The following GSG1L2 variants were observed in gnomAD, a reference collection of about 807,000 sequenced individuals.
The protein encoded by GSG1L2 is germ cell-specific gene 1-like protein 2.
Under a neutral mutation model 9.0 loss-of-function variants are expected in GSG1L2, and 15 were observed. That is an observed-to-expected ratio of 1.67 (90% CI 1.12 to 2.57). The LOEUF is 2.57. GSG1L2 is among the 30% of genes most tolerant of loss of function. The pLI, the probability that GSG1L2 is intolerant of heterozygous loss-of-function variation, is 0.00. For missense variants in GSG1L2, 286 were observed against 150.3 expected (o/e 1.90, Z -4.72); for synonymous variants, 127 against 57.9 (o/e 2.19, Z -5.41).
intron 1 of GSG1L2, among the ~76,000 whole-genome samples, chr17:9,814,451 G>A (rs1241704473): frequency 7.2e-5 from 11 of 152,230 alleles, no homozygotes. Flanking sequence ...AAAGAGAACT[G>A]CCTTTCCCAC....
chr17:9,816,687 CTGTG>C (rs954564117), intron 1 of GSG1L2, among the ~76,000 whole-genome samples: 3 of 124,510 alleles, frequency 2.4e-5, no homozygotes, highest in African/African-American at 3.1e-5. Context: ...GTGTGTGTGT[CTGTG>C]TATGTGTGCA....
chr17:9,809,482 G>T, intron 2 of GSG1L2: 1 of 155,522 alleles, frequency 6.4e-6, no homozygotes, highest in Non-Finnish European at 1.4e-5. Context: ...CTGAGAGGGT[G>T]GCTGTGGCGG....
intron 4 of GSG1L2, chr17:9,803,867 C>G (rs1208519241): frequency 6.6e-6 from 1 of 152,170 alleles, no homozygotes; most frequent in Non-Finnish European, 1.5e-5. Flanking sequence ...GGCTGCAAAC[C>G]CTGTGAGTCC....
intron 1 of GSG1L2, among the ~76,000 whole-genome samples, chr17:9,816,124 C>T (rs538155036): frequency 2.0e-5 from 3 of 152,282 alleles, no homozygotes; most frequent in Middle Eastern, 3.4e-3. Context: ...TCCCAGCCTC[C>T]GTAATGGTAA....
At chr17:9,815,482 AT>A (rs2066555977) in intron 1 of GSG1L2, among the ~76,000 whole-genome samples, 2 of 152,232 alleles carry the variant, frequency 1.3e-5, no homozygotes, top group Admixed American at 1.3e-4. Context: ...TATTAAAAAA[AT>A]CTCTTCTATG....
intron 1 of GSG1L2, among the ~76,000 whole-genome samples, chr17:9,816,890 G>GTA (rs1207457351): frequency 1.4e-5 from 2 of 140,118 alleles, no homozygotes; most frequent in Admixed American, 1.5e-4. Context: ...ATCTGTGTGT[G>GTA]TGTATCTGTG....
intron 4 of GSG1L2, among the ~76,000 whole-genome samples, chr17:9,803,506 A>G (rs1245863885): frequency 6.6e-6 from 1 of 152,232 alleles, no homozygotes; most frequent in Non-Finnish European, 1.5e-5. Context: ...TGTGTTGGGA[A>G]CATGGTAATT....
intron 1 of GSG1L2, among the ~76,000 whole-genome samples, chr17:9,816,856 C>T (rs986001763): frequency 2.8e-5 from 1 of 36,022 alleles, no homozygotes; most frequent in Non-Finnish European, 4.8e-5. Flanking sequence ...TTCTGTGTAT[C>T]TGTATGTGTG....
At chr17:9,816,381 CGTGT>C (rs760933495) in intron 1 of GSG1L2, among the ~76,000 whole-genome samples, 9 of 149,074 alleles carry the variant, frequency 6.0e-5, no homozygotes, top group South Asian at 2.2e-4. Flanking sequence ...TGTGTGTGTG[CGTGT>C]GTGTCTGTGT....
chr17:9,820,659 TC>T lies in GSG1L2; in HGVS notation c.310+1102del, dbSNP rs1340852312. On this transcript the variant is annotated intron_variant, in intron 1 of 4. Transcript: ENST00000399363. This position sits in a 1 kb window ranked among gnomAD's most constrained non-coding sequence, Gnocchi z 4.9. ...AGGGACATACAGCACCTCTGAGTGT[TC>T]CTTTTTTTTTTTTTTTAATTTGAGA... Among the ~76,000 whole-genome samples the T allele has an allele frequency of 1.2e-4, 11 of 94,090 alleles. No homozygotes were observed. The highest frequency in any genetic ancestry group is 4.2e-4 in the Admixed American group (4 of 9,550). The allele number at this position is 94,090 out of a possible 152,430, so 61.7% of individuals were successfully genotyped here. A position where few individuals can be genotyped will look rare whatever the true frequency, so the allele number is the denominator to read the frequency against.
intron 4 of GSG1L2, among the ~76,000 whole-genome samples, chr17:9,803,131 TC>T (rs59161320): frequency 0.5 from 68,176 of 136,416 alleles, 17,119 homozygotes; most frequent in Middle Eastern, 0.59. Flanking sequence ...TGAGACAGAG[TC>T]CCTCTCTGTC....
intron 1 of GSG1L2, among the ~76,000 whole-genome samples, chr17:9,819,006 C>G (rs886633666): frequency 1.3e-5 from 2 of 152,198 alleles, no homozygotes; most frequent in Non-Finnish European, 2.9e-5. Context: ...AGTGAATTCA[C>G]TCTGCACTGT....
chr17:9,810,965 C>A, intron 1 of GSG1L2: 1 of 327,022 alleles, frequency 3.1e-6, no homozygotes, highest in Admixed American at 4.5e-5. Flanking sequence ...CCCTGAATAG[C>A]TACAATGAGG....
intron 1 of GSG1L2, 43 bp downstream of exon 1, chr17:9,821,719 C>G: frequency 2.9e-6 from 2 of 693,202 alleles, no homozygotes; most frequent in Non-Finnish European, 5.3e-6. Flanking sequence ...GCCCCTGCCC[C>G]ATCCCGCACC....
intron 1 of GSG1L2, among the ~76,000 whole-genome samples, chr17:9,815,215 T>C (rs567877918): frequency 2.0e-5 from 3 of 152,248 alleles, no homozygotes; most frequent in East Asian, 3.9e-4. Context: ...GGTGAGACCC[T>C]GTCTCTACTA....
At chr17:9,819,578 A>G (rs1268085118) in intron 1 of GSG1L2, among the ~76,000 whole-genome samples, 1 of 152,220 alleles carries the variant, frequency 6.6e-6, no homozygotes, top group Admixed American at 6.5e-5. Flanking sequence ...GTAGCTTTTC[A>G]AAATGAGTTC....
intron 1 of GSG1L2, chr17:9,810,833 G>A (rs2066536355): frequency 1.8e-6 from 1 of 566,454 alleles, no homozygotes; most frequent in African/African-American, 1.9e-5. Context: ...CCAATGAACT[G>A]GGAGCAAAAA....
At chr17:9,808,772 T>G in intron 3 of GSG1L2, 58 bp downstream of exon 3, 1 of 696,006 alleles carries the variant, frequency 1.4e-6, no homozygotes, top group Non-Finnish European at 2.6e-6. Context: ...GCATGTCCAG[T>G]CTGACACTCT....
At chr17:9,806,798 C>T (rs2066517752) in intron 4 of GSG1L2, among the ~76,000 whole-genome samples, 1 of 152,162 alleles carries the variant, frequency 6.6e-6, no homozygotes, top group Non-Finnish European at 1.5e-5. Context: ...TAAAAATTAA[C>T]ATCTTCAGAC....
Sources: gnomAD v4.1 joint callset for allele counts (sites outside exome capture counted in the v4.1 genomes callset) on GRCh38, gnomAD v4.1.1 for gene constraint, Gnocchi (gnomAD v3.1) non-coding constraint, MANE v1.5 for transcripts, NCBI Gene and HGNC (gene_info 2026-07-23, HGNC 2026-07-21) for gene names.